Variants in DPYD observed in about 807,000 individuals in gnomAD.
The protein encoded by DPYD is dihydropyrimidine dehydrogenase.
DPYD carries 109 observed loss-of-function variants against 116.2 expected under a neutral mutation model. That is an observed-to-expected ratio of 0.94 (90% CI 0.80 to 1.10). The LOEUF (loss-of-function observed/expected upper bound fraction) is 1.10, where lower values mean the gene tolerates loss of function less well. Among genes scored for constraint, DPYD ranks in the 50% least tolerant of loss-of-function variants. The pLI is 0.00. For synonymous variants in DPYD, 440 were observed against 432.0 expected (o/e 1.02, Z -0.23); for missense variants, 1,302 against 1,254.5 (o/e 1.04, Z -0.57).
intron 16 of DPYD, among the ~76,000 whole-genome samples, chr1:97,317,580 C>G (rs1667934314): frequency 6.6e-6 from 1 of 152,008 alleles, no homozygotes; most frequent in Admixed American, 6.6e-5. Context: ...TTTTATACAT[C>G]TGCTGGTCTA....
intron 13 of DPYD, among the ~76,000 whole-genome samples, chr1:97,487,413 T>C (rs751405736): frequency 1.2e-4 from 18 of 152,066 alleles, no homozygotes; most frequent in Non-Finnish European, 1.9e-4. Context: ...GTGGCTCACA[T>C]CTGTAATCCC....
chr1:97,835,181 A>T (rs938588153), intron 2 of DPYD, among the ~76,000 whole-genome samples: 2 of 152,036 alleles, frequency 1.3e-5, no homozygotes, highest in African/African-American at 4.8e-5. Flanking sequence ...GCAGAGAGAA[A>T]ATTTGTTTTT....
chr1:97,903,038 A>G (rs879340350), intron 1 of DPYD, among the ~76,000 whole-genome samples: 15 of 152,040 alleles, frequency 9.9e-5, no homozygotes, highest in Non-Finnish European at 1.9e-4. Flanking sequence ...GGGCTGGCAC[A>G]GAAGAGAATT....
rs1035531148 is a variant in DPYD, at chr1:97,305,515, A to T, written c.2180-137T>A. ...GTCTTCTCCTCAAAGTTCTTCACTA[A>T]TTTAACTCCTACATTTATGTTTAAA... On this transcript the variant is annotated intron_variant, in intron 17 of 22. Transcript: ENST00000370192. 36 of 1,151,522 alleles carry T rather than the reference A, an allele frequency of 3.1e-5. No individual in the cohort carries two copies. The East Asian group carries it at 5.7e-4, about 18-fold the overall frequency. The allele number at this position is 1,151,522 out of a possible 1,614,324, so 71.3% of individuals were successfully genotyped here. A position where few individuals can be genotyped will look rare whatever the true frequency, so the allele number is the denominator to read the frequency against.
intron 13 of DPYD, among the ~76,000 whole-genome samples, chr1:97,482,333 T>C (rs907663428): frequency 1.3e-5 from 2 of 152,198 alleles, no homozygotes; most frequent in Non-Finnish European, 2.9e-5. Flanking sequence ...ACTGCTAAAA[T>C]CAATGTCACA....
At chr1:97,339,868 T>C (rs1669506204) in intron 16 of DPYD, among the ~76,000 whole-genome samples, 1 of 151,942 alleles carries the variant, frequency 6.6e-6, no homozygotes, top group South Asian at 2.1e-4. Context: ...CTCAGAAAAA[T>C]CCAAAAATTG....
chr1:97,866,326 T>G lies in DPYD; in HGVS notation c.150+16938A>C, dbSNP rs575736238. Among the ~76,000 whole-genome samples, 33 of 152,012 alleles carry G rather than the reference T, an allele frequency of 2.2e-4. 2 individuals carry two copies. In the South Asian group the frequency reaches 4.8e-3, roughly 22 times the overall value. ...AGCTTCTTTACTGGCCTTCTGTTAA[T>G]GAGTTAGAGGTATGACAACAGATAC... On this transcript the variant is annotated intron_variant, in intron 2 of 22. Coordinates refer to ENST00000370192, the MANE Select transcript of DPYD (RefSeq NM_000110.4).
At chr1:97,536,283 T>C (rs1403318332) in intron 12 of DPYD, among the ~76,000 whole-genome samples, 1 of 152,198 alleles carries the variant, frequency 6.6e-6, no homozygotes, top group African/African-American at 2.4e-5. Context: ...ACTAAACCCA[T>C]TATGATTTAA....
intron 16 of DPYD, among the ~76,000 whole-genome samples, chr1:97,352,119 G>C (rs1670176078): frequency 6.6e-6 from 1 of 152,104 alleles, no homozygotes; most frequent in Non-Finnish European, 1.5e-5. Context: ...GCAGAAAAAA[G>C]TCCTTCTCAA....
At position 97,238,832 on chromosome 1, in the gene DPYD, T is replaced by A. The variant is rs193010542; in HGVS notation, c.2300-3838A>T. On this transcript the variant is annotated intron_variant, in intron 18 of 22. Coordinates refer to ENST00000370192, the MANE Select transcript of DPYD (RefSeq NM_000110.4). ...CACTTAATTGAACTAACAGGTAACA[T>A]GCAATTTAAATTAAGCCCTCATCTA... Among the ~76,000 whole-genome samples, 10 of 152,242 alleles carry A rather than the reference T, an allele frequency of 6.6e-5. No homozygotes were observed. In the East Asian group the frequency reaches 1.9e-3, roughly 29 times the overall value.
intron 10 of DPYD, among the ~76,000 whole-genome samples, chr1:97,587,826 A>C (rs75156301): frequency 2.7e-5 from 4 of 147,696 alleles, no homozygotes; most frequent in Admixed American, 2.7e-4. Context: ...TCCATCTCCA[A>C]AAAAAAAAAA....
chr1:97,775,577 TG>T (rs1666352687), intron 3 of DPYD, among the ~76,000 whole-genome samples: 1 of 152,168 alleles, frequency 6.6e-6, no homozygotes, highest in African/African-American at 2.4e-5. Flanking sequence ...ACTTTCTCTT[TG>T]GGGTATACCT....
intron 19 of DPYD, among the ~76,000 whole-genome samples, chr1:97,195,650 A>AGCG (rs1658741224): frequency 7.2e-5 from 1 of 13,902 alleles, no homozygotes; most frequent in Non-Finnish European, 1.4e-4. Context: ...ATATATATAT[A>AGCG]TATATATATA....
chr1:97,616,218 C>T (rs963332259), intron 8 of DPYD, among the ~76,000 whole-genome samples: 2 of 152,030 alleles, frequency 1.3e-5, no homozygotes, highest in African/African-American at 4.8e-5. Flanking sequence ...CTAGGACATA[C>T]TAGGTATTCA....
chr1:97,510,937 T>TA (rs1647746859), intron 13 of DPYD, among the ~76,000 whole-genome samples: 1 of 151,828 alleles, frequency 6.6e-6, no homozygotes, highest in Admixed American at 6.6e-5. Flanking sequence ...TATGAAGAGA[T>TA]AGAGAGAAAA....
intron 12 of DPYD, among the ~76,000 whole-genome samples, chr1:97,519,942 A>G (rs1334213138): frequency 6.6e-6 from 1 of 152,130 alleles, no homozygotes; most frequent in African/African-American, 2.4e-5. Flanking sequence ...CTTATAGATC[A>G]TAAAAAATAT....
At chr1:97,400,012 T>C (rs1471896222) in intron 14 of DPYD, among the ~76,000 whole-genome samples, 1 of 152,206 alleles carries the variant, frequency 6.6e-6, no homozygotes, top group African/African-American at 2.4e-5. Flanking sequence ...AGAGAGGGCA[T>C]CCCTGTCTTG....
intron 20 of DPYD, among the ~76,000 whole-genome samples, chr1:97,114,396 G>A (rs984241409): frequency 5.9e-5 from 9 of 152,116 alleles, no homozygotes; most frequent in African/African-American, 2.2e-4. Flanking sequence ...GTCTTCTAAT[G>A]TGAATTCAAG....
intron 8 of DPYD, among the ~76,000 whole-genome samples, chr1:97,652,538 C>T (rs899397251): frequency 6.6e-6 from 1 of 152,040 alleles, no homozygotes; most frequent in Non-Finnish European, 1.5e-5. Context: ...TGAATTTGTG[C>T]AGGAGAATTT....
Sources: gnomAD v4.1 joint callset for allele counts (sites outside exome capture counted in the v4.1 genomes callset) on GRCh38, gnomAD v4.1.1 for gene constraint, MANE v1.5 for transcripts, NCBI Gene and HGNC (gene_info 2026-07-23, HGNC 2026-07-21) for gene names.